The following NLK variants were observed in gnomAD, a reference collection of about 807,000 sequenced individuals.
NLK encodes the protein nemo like kinase.
In NLK, 11 loss-of-function variants were observed where a neutral mutation model predicts 59.0. That is an observed-to-expected ratio of 0.19 (90% CI 0.12 to 0.31). The LOEUF (loss-of-function observed/expected upper bound fraction) is 0.31, where lower values mean the gene tolerates loss of function less well. NLK is among the 10% of genes least tolerant of loss of function. The pLI, the probability that NLK is intolerant of heterozygous loss-of-function variation, is 1.00. For missense variants in NLK, 410 were observed against 661.1 expected (o/e 0.62, Z 4.16); for synonymous variants, 235 against 235.9 (o/e 1.00, Z 0.03).
intron 1 of NLK, among the ~76,000 whole-genome samples, chr17:28,120,607 C>T (rs1415663470): frequency 7.2e-5 from 11 of 151,980 alleles, no homozygotes; most frequent in Admixed American, 7.2e-4. Context: ...CAGTGAGATC[C>T]TGTCTCTAAA....
chr17:28,184,879 C>T (rs990829384), intron 7 of NLK, among the ~76,000 whole-genome samples: 4 of 152,168 alleles, frequency 2.6e-5, no homozygotes, highest in Admixed American at 6.5e-5. Flanking sequence ...ACCTGGAAGG[C>T]GGAGGTTGCA....
chr17:28,192,784 C>T (rs1027701650), intron 10 of NLK, among the ~76,000 whole-genome samples: 7 of 152,300 alleles, frequency 4.6e-5, no homozygotes, highest in Non-Finnish European at 1.0e-4. Flanking sequence ...ACATATATGG[C>T]AGTCCTGCTG....
At chr17:28,106,778 T>C (rs905924355) in intron 1 of NLK, among the ~76,000 whole-genome samples, 1 of 152,188 alleles carries the variant, frequency 6.6e-6, no homozygotes, top group Non-Finnish European at 1.5e-5. Flanking sequence ...AATAAAACTA[T>C]ACTACTTGAA....
chr17:28,113,237 T>TCC, intron 1 of NLK, among the ~76,000 whole-genome samples: 1 of 152,244 alleles, frequency 6.6e-6, no homozygotes. Flanking sequence ...ACCATTCAAG[T>TCC]GAGATACAGG....
At chr17:28,176,389 TATC>T (rs1347126675) in intron 7 of NLK, among the ~76,000 whole-genome samples, 1 of 152,220 alleles carries the variant, frequency 6.6e-6, no homozygotes, top group African/African-American at 2.4e-5. Context: ...AGACATAAAT[TATC>T]ATTTTTGTTC....
intron 1 of NLK, among the ~76,000 whole-genome samples, chr17:28,088,303 A>T (rs922181591): frequency 6.6e-6 from 1 of 152,202 alleles, no homozygotes; most frequent in African/African-American, 2.4e-5. Context: ...CATATTATAG[A>T]CATTGATGAT....
At chr17:28,069,843 G>T (rs1255507334) in intron 1 of NLK, among the ~76,000 whole-genome samples, 3 of 151,902 alleles carry the variant, frequency 2.0e-5, no homozygotes, top group Admixed American at 6.5e-5. Context: ...TTTTCATTTT[G>T]TAAATGATGT....
the NLK span, among the ~76,000 whole-genome samples, chr17:28,202,447 CA>C: frequency 8.5e-5 from 13 of 152,272 alleles, no homozygotes; most frequent in East Asian, 2.1e-3. Flanking sequence ...CTCAGCCTCC[CA>C]AAGTGCTGGG....
At chr17:28,172,672 C>T in intron 7 of NLK, 54 bp downstream of exon 7, 1 of 1,044,000 alleles carries the variant, frequency 9.6e-7, no homozygotes, top group South Asian at 1.9e-5. Flanking sequence ...GCAAGATTTC[C>T]CTTCCAATAG....
intron 1 of NLK, among the ~76,000 whole-genome samples, chr17:28,051,130 G>A (rs932408340): frequency 6.7e-6 from 1 of 150,128 alleles, no homozygotes; most frequent in Non-Finnish European, 1.5e-5. Flanking sequence ...AAGGCCAAAA[G>A]GCCATTGTAT....
At chr17:28,078,287 A>C (rs1394182467) in intron 1 of NLK, among the ~76,000 whole-genome samples, 1 of 152,206 alleles carries the variant, frequency 6.6e-6, no homozygotes, top group Non-Finnish European at 1.5e-5. Context: ...TCAAGCATTG[A>C]AGTAAAAATG....
chr17:28,201,337 C>T (rs1909623141), downstream of NLK, among the ~76,000 whole-genome samples: 1 of 151,706 alleles, frequency 6.6e-6, no homozygotes, highest in African/African-American at 2.4e-5. Flanking sequence ...CCAGCCTCAG[C>T]CTCCCAGAGT....
chr17:28,076,154 G>C (rs1910155344), intron 1 of NLK, among the ~76,000 whole-genome samples: 1 of 152,138 alleles, frequency 6.6e-6, no homozygotes, highest in Non-Finnish European at 1.5e-5. Context: ...AGAGACACTA[G>C]ATTTTTAAAG....
intron 1 of NLK, among the ~76,000 whole-genome samples, chr17:28,113,575 G>T (rs758176484): frequency 6.6e-6 from 1 of 152,164 alleles, no homozygotes; most frequent in Non-Finnish European, 1.5e-5. Flanking sequence ...GTGTCTCTTA[G>T]CATGCTAATG....
intron 1 of NLK, among the ~76,000 whole-genome samples, chr17:28,104,404 C>T (rs1275451314): frequency 1.3e-5 from 2 of 152,020 alleles, no homozygotes; most frequent in African/African-American, 2.4e-5. Context: ...TACAGGCACA[C>T]GCCACTATGC....
downstream of NLK, among the ~76,000 whole-genome samples, chr17:28,199,967 C>G (rs528468241): frequency 6.6e-6 from 1 of 152,072 alleles, no homozygotes; most frequent in African/African-American, 2.4e-5. Flanking sequence ...TAAGCTTCCC[C>G]GGAGAGCTGA....
At chr17:28,060,071 G>C (rs1208849623) in intron 1 of NLK, among the ~76,000 whole-genome samples, 1 of 152,088 alleles carries the variant, frequency 6.6e-6, no homozygotes, top group East Asian at 1.9e-4. Flanking sequence ...AAATGTAACT[G>C]TCATGAGCAG....
the NLK span, among the ~76,000 whole-genome samples, chr17:28,202,839 C>T: frequency 6.6e-6 from 1 of 151,820 alleles, no homozygotes; most frequent in East Asian, 1.9e-4. Context: ...CTCACCACCA[C>T]GCCCAGCTAA....
At chr17:28,103,673 G>A (rs1172760733) in intron 1 of NLK, among the ~76,000 whole-genome samples, 3 of 152,144 alleles carry the variant, frequency 2.0e-5, no homozygotes, top group Non-Finnish European at 4.4e-5. Flanking sequence ...CAAAAATCTA[G>A]TGTCTTCTTA....
Sources: gnomAD v4.1 joint callset for allele counts (sites outside exome capture counted in the v4.1 genomes callset) on GRCh38, gnomAD v4.1.1 for gene constraint, MANE v1.5 for transcripts, NCBI Gene and HGNC (gene_info 2026-07-23, HGNC 2026-07-21) for gene names.